FNBP1L: variants seen among roughly 807,000 people sequenced by gnomAD.
FNBP1L encodes the protein formin-binding protein 1-like.
In FNBP1L, 36 loss-of-function variants were observed where a neutral mutation model predicts 91.2. The observed-to-expected ratio is 0.39, with a 90% CI of 0.30 to 0.52. The LOEUF (loss-of-function observed/expected upper bound fraction) is 0.52, where lower values mean the gene tolerates loss of function less well. Among genes scored for constraint, FNBP1L ranks in the 20% least tolerant of loss-of-function variants. The probability of loss-of-function intolerance (pLI) is 0.66; values close to 1 mark genes in which losing one functional copy is unlikely to be tolerated. For missense variants in FNBP1L, 571 were observed against 732.1 expected (o/e 0.78, Z 2.54); for synonymous variants, 242 against 237.0 (o/e 1.02, Z -0.19).
intron 1 of FNBP1L, among the ~76,000 whole-genome samples, chr1:93,493,532 A>G (rs998469801): frequency 6.6e-6 from 1 of 151,686 alleles, no homozygotes; most frequent in Admixed American, 6.6e-5. Context: ...ATTCCTTCCT[A>G]CCCCTGTTCC....
chr1:93,477,796 A>G (rs974826327), intron 1 of FNBP1L, among the ~76,000 whole-genome samples: 16 of 152,242 alleles, frequency 1.1e-4, no homozygotes, highest in Non-Finnish European at 1.6e-4. Flanking sequence ...TACTATAACC[A>G]TACCCTGCAT....
chr1:93,511,905 G>T (rs1471030868), intron 2 of FNBP1L, among the ~76,000 whole-genome samples: 2,738 of 137,870 alleles, frequency 0.02, 35 homozygotes, highest in Non-Finnish European at 0.024. Flanking sequence ...GGCGGAGCTT[G>T]CAGTGAGCCG....
intron 1 of FNBP1L, among the ~76,000 whole-genome samples, chr1:93,491,006 C>CA (rs1316240596): frequency 1.3e-5 from 2 of 150,772 alleles, no homozygotes; most frequent in Non-Finnish European, 3.0e-5. Context: ...AGTGTGCGAT[C>CA]ATGGCTCACT....
At chr1:93,464,719 AATT>A (rs1341883430) in intron 1 of FNBP1L, among the ~76,000 whole-genome samples, 1 of 152,164 alleles carries the variant, frequency 6.6e-6, no homozygotes. Context: ...ATAATTATTA[AATT>A]ATTACCTAAT....
At chr1:93,455,436 C>T (rs1486552325) in intron 1 of FNBP1L, among the ~76,000 whole-genome samples, 2 of 152,168 alleles carry the variant, frequency 1.3e-5, no homozygotes, top group African/African-American at 2.4e-5. Flanking sequence ...TGACTTTCCT[C>T]CCTCAGCCTC....
intron 7 of FNBP1L, among the ~76,000 whole-genome samples, chr1:93,532,592 C>G (rs1394562975): frequency 6.9e-6 from 1 of 144,260 alleles, no homozygotes; most frequent in Non-Finnish European, 1.5e-5. Context: ...TAAACAAGAA[C>G]TACTCTGATT....
At chr1:93,550,845 T>C (rs957080918) in intron 15 of FNBP1L, 102 bp from the exon 16 acceptor site, 112 of 1,161,146 alleles carry the variant, frequency 9.6e-5, no homozygotes, top group Non-Finnish European at 1.3e-4. Flanking sequence ...TCCAGGTACA[T>C]TGAAATCTAG....
intron 1 of FNBP1L, among the ~76,000 whole-genome samples, chr1:93,450,716 T>C (rs2101678541): frequency 6.6e-6 from 1 of 152,336 alleles, no homozygotes; most frequent in South Asian, 2.1e-4. Context: ...TTATTTCATA[T>C]TTAGAATCAC....
At chr1:93,524,392 C>A in intron 5 of FNBP1L, 69 bp downstream of exon 5, 1 of 1,105,814 alleles carries the variant, frequency 9.0e-7, no homozygotes, top group South Asian at 2.0e-5. Context: ...TACTTTTATG[C>A]TTCATATCTA....
chr1:93,533,412 C>T (rs939540351), intron 8 of FNBP1L, among the ~76,000 whole-genome samples: 1 of 152,098 alleles, frequency 6.6e-6, no homozygotes, highest in East Asian at 1.9e-4. Flanking sequence ...TTAGAGTTGC[C>T]TTTAGCACTT....
intron 2 of FNBP1L, among the ~76,000 whole-genome samples, chr1:93,521,409 C>A (rs868724995): frequency 2.0e-5 from 3 of 152,074 alleles, no homozygotes; most frequent in Admixed American, 2.0e-4. Context: ...GAAAAAAAAG[C>A]GATGGTATTT....
At chr1:93,465,556 G>A (rs1456122456) in intron 1 of FNBP1L, among the ~76,000 whole-genome samples, 5 of 152,148 alleles carry the variant, frequency 3.3e-5, no homozygotes, top group Non-Finnish European at 7.4e-5. Flanking sequence ...TGGCTGCATA[G>A]TATTCCATGG....
At position 93,490,479 on chromosome 1, in the gene FNBP1L, C is replaced by T. The variant is rs545907240; in HGVS notation, c.25-8989C>T. On this transcript the variant is annotated intron_variant, in intron 1 of 16. Coordinates refer to ENST00000271234, the MANE Select transcript of FNBP1L (RefSeq NM_001164473.3). ...TAAGATGATAAGATTTAAATTAGAGCTCACCACTGATACAGAGATTCATTT... is the reference window on the plus strand; with the variant it reads ...TAAGATGATAAGATTTAAATTAGAGTTCACCACTGATACAGAGATTCATTT... Among the ~76,000 whole-genome samples, 8 of 152,228 alleles carry T rather than the reference C, an allele frequency of 5.3e-5. No individual in the cohort carries two copies. The South Asian group carries it at 1.7e-3, about 32-fold the overall frequency.
chr1:93,516,193 A>G (rs556074605), intron 2 of FNBP1L, among the ~76,000 whole-genome samples: 24 of 107,112 alleles, frequency 2.2e-4, no homozygotes, highest in South Asian at 1.6e-3. Flanking sequence ...GTCAAGGGGG[A>G]AAAAAAAAAG....
chr1:93,481,741 C>T (rs768439723), intron 1 of FNBP1L, among the ~76,000 whole-genome samples: 14 of 152,170 alleles, frequency 9.2e-5, no homozygotes, highest in Admixed American at 3.3e-4. Context: ...TCCATTTCTA[C>T]GTAATTGTTG....
chr1:93,554,487 A>G lies in FNBP1L; in HGVS notation c.*2071A>G, dbSNP rs1276721227. 1.3e-5 allele frequency: 2 copies of G among 152,652 alleles called. No individual in the cohort carries two copies. The highest frequency in any genetic ancestry group is 2.9e-5 in the Non-Finnish European group (2 of 68,042). The allele number at this position is 152,652 out of a possible 1,614,324, so 9.5% of individuals were successfully genotyped here. A position where few individuals can be genotyped will look rare whatever the true frequency, so the allele number is the denominator to read the frequency against. The stretch of plus-strand genomic sequence containing the variant: ...AAGACATTTGTACTTGCACAGTTTA[A>G]ATCATTCTTAAATTTTGAACATGTG... On this transcript the variant is annotated 3_prime_UTR_variant, in exon 17 of 17. Coordinates refer to ENST00000271234, the MANE Select transcript of FNBP1L (RefSeq NM_001164473.3).
intron 2 of FNBP1L, among the ~76,000 whole-genome samples, chr1:93,516,666 C>T (rs1302676231): frequency 6.6e-6 from 1 of 151,232 alleles, no homozygotes; most frequent in African/African-American, 2.4e-5. Flanking sequence ...ATTAGCTGGG[C>T]GTGGTGGTGG....
chr1:93,462,419 A>G (rs770744052), intron 1 of FNBP1L, among the ~76,000 whole-genome samples: 1 of 152,182 alleles, frequency 6.6e-6, no homozygotes, highest in Non-Finnish European at 1.5e-5. Context: ...GTTATAACTA[A>G]TGAACCAATA....
chr1:93,455,747 T>C (rs887847358), intron 1 of FNBP1L, among the ~76,000 whole-genome samples: 3 of 152,246 alleles, frequency 2.0e-5, no homozygotes, highest in Non-Finnish European at 4.4e-5. Flanking sequence ...ACCTTCTAAT[T>C]GATGACAATG....
Sources: allele counts gnomAD v4.1 joint callset (sites outside exome capture counted in the v4.1 genomes callset), GRCh38; gene constraint gnomAD v4.1.1; transcripts MANE v1.5; gene names NCBI Gene and HGNC (gene_info 2026-07-23, HGNC 2026-07-21).